UNC13A: variants seen among roughly 807,000 people sequenced by gnomAD.
UNC13A encodes protein unc-13 homolog A.
In UNC13A, 61 loss-of-function variants were observed where a neutral mutation model predicts 219.7. That is an observed-to-expected ratio of 0.28 (90% confidence interval 0.23 to 0.34). The LOEUF is 0.34. Among genes scored for constraint, UNC13A ranks in the 10% least tolerant of loss-of-function variants. UNC13A has a pLI of 1.00. For synonymous variants in UNC13A, 920 were observed against 884.6 expected (o/e 1.04, Z -0.71); for missense variants, 1,476 against 2,270.3 (o/e 0.65, Z 7.11).
At chr19:17,666,868 A>G (rs1021714851) in intron 6 of UNC13A, among the ~76,000 whole-genome samples, 164 bp from the exon 7 acceptor site, 6 of 127,394 alleles carry the variant, frequency 4.7e-5, no homozygotes, top group African/African-American at 1.8e-4. Context: ...GGAGAGAAAG[A>G]CACACACACA....
chr19:17,640,471 G>A, intron 22 of UNC13A, 40 bp downstream of exon 22: 1 of 1,530,432 alleles, frequency 6.5e-7, no homozygotes, highest in Non-Finnish European at 8.8e-7. Flanking sequence ...CATAAAGTTG[G>A]GCTCTCCCTA....
intron 38 of UNC13A, among the ~76,000 whole-genome samples, chr19:17,620,157 C>A (rs879283900): frequency 2.1e-4 from 32 of 152,226 alleles, no homozygotes; most frequent in African/African-American, 7.0e-4. Context: ...AACAGGGATA[C>A]CCATGGTAAC....
intron 19 of UNC13A, among the ~76,000 whole-genome samples, chr19:17,644,158 T>C (rs1371938203): frequency 2.0e-5 from 3 of 152,036 alleles, no homozygotes; most frequent in African/African-American, 7.2e-5. Context: ...TCCCAAACAA[T>C]ACCTCCCTCT....
chr19:17,657,605 C>T (rs1033865097), intron 9 of UNC13A, among the ~76,000 whole-genome samples: 3 of 152,108 alleles, frequency 2.0e-5, no homozygotes, highest in Admixed American at 2.0e-4. Context: ...CCAATCTTAG[C>T]GCCTGAGACC....
chr19:17,605,973 G>T lies in UNC13A; in HGVS notation c.*81C>A. ...CCCCCCGAGCCCCGCCCCTGGGGAG[G>T]TCCCACCAAGGCGCAAGCCCCGTCC... On this transcript the variant is annotated 3_prime_UTR_variant, in exon 44 of 44. Coordinates refer to ENST00000519716, the MANE Select transcript of UNC13A (RefSeq NM_001080421.3). 1 of 1,302,416 alleles carries T rather than the reference G, an allele frequency of 7.7e-7. No homozygotes were observed. Among genetic ancestry groups the T allele is most frequent in the Non-Finnish European group, 9.9e-7 (1 of 1,009,232 alleles). The allele number at this position is 1,302,416 out of a possible 1,614,324, so 80.7% of individuals were successfully genotyped here.
intron 36 of UNC13A, 170 bp downstream of exon 36, chr19:17,623,372 C>G (rs2076749283): frequency 1.8e-6 from 1 of 551,024 alleles, no homozygotes; most frequent in African/African-American, 2.0e-5. Context: ...CAGCCCCGCC[C>G]CCTCCCCATG....
At chr19:17,662,368 C>T (rs1378400687) in intron 8 of UNC13A, among the ~76,000 whole-genome samples, 1 of 152,042 alleles carries the variant, frequency 6.6e-6, no homozygotes, top group Non-Finnish European at 1.5e-5. Flanking sequence ...TCCCCCATCA[C>T]CCTAAGATGG....
At chr19:17,632,368 A>C (rs898796499) in intron 28 of UNC13A, among the ~76,000 whole-genome samples, 2 of 152,070 alleles carry the variant, frequency 1.3e-5, no homozygotes, top group African/African-American at 4.8e-5. Context: ...TAGAGATGGG[A>C]TCTGACTATC....
chr19:17,676,181 A>C (rs2145917816), intron 1 of UNC13A, 140 bp from the exon 2 acceptor site: 1 of 914,186 alleles, frequency 1.1e-6, no homozygotes, highest in South Asian at 1.4e-5. Context: ...CAAAGATAAA[A>C]AGCAAAAGAG....
intron 9 of UNC13A, among the ~76,000 whole-genome samples, chr19:17,657,208 C>G (rs896542505): frequency 6.6e-6 from 1 of 152,146 alleles, no homozygotes; most frequent in Non-Finnish European, 1.5e-5. Context: ...GGCCCATACG[C>G]TCCAAACTCC....
At chr19:17,621,141 C>T (rs1449655371) in intron 37 of UNC13A, among the ~76,000 whole-genome samples, 1 of 152,148 alleles carries the variant, frequency 6.6e-6, no homozygotes, top group Non-Finnish European at 1.5e-5. Flanking sequence ...GCTGAAGAAC[C>T]CATACACTAA....
At chr19:17,644,194 G>C (rs1359651030) in intron 19 of UNC13A, among the ~76,000 whole-genome samples, 1 of 151,958 alleles carries the variant, frequency 6.6e-6, no homozygotes, top group Admixed American at 6.6e-5. Context: ...TTCTTGTGGT[G>C]GGGGGTCGGG....
intron 8 of UNC13A, among the ~76,000 whole-genome samples, chr19:17,660,023 G>A (rs2079524469): frequency 6.6e-6 from 1 of 151,960 alleles, no homozygotes; most frequent in Non-Finnish European, 1.5e-5. Flanking sequence ...AGCCTCCACA[G>A]TAGCTGGGAC....
At chr19:17,646,560 G>C (rs2077029286) in intron 17 of UNC13A, among the ~76,000 whole-genome samples, 1 of 152,058 alleles carries the variant, frequency 6.6e-6, no homozygotes, top group Non-Finnish European at 1.5e-5. Context: ...TGAAGGATGG[G>C]AAGGTGCCCC....
intron 43 of UNC13A, among the ~76,000 whole-genome samples, chr19:17,608,296 A>C (rs1432374167): frequency 7.2e-6 from 1 of 139,780 alleles, no homozygotes; most frequent in Admixed American, 7.8e-5. Flanking sequence ...AATATAATAT[A>C]TACTATATAT....
At chr19:17,681,709 T>A (rs1018577493) in intron 1 of UNC13A, among the ~76,000 whole-genome samples, 1 of 152,158 alleles carries the variant, frequency 6.6e-6, no homozygotes, top group African/African-American at 2.4e-5. Context: ...CCTCCATTAA[T>A]CCTGGGAGGC....
chr19:17,627,904 C>T lies in UNC13A; in HGVS notation c.3790G>A (p.Val1264Ile), dbSNP rs1290660519. 6.2e-7 allele frequency: 1 copy of T among 1,605,242 alleles called. No homozygotes were observed. Among genetic ancestry groups the T allele is most frequent in the African/African-American group, 1.3e-5 (1 of 74,956 alleles). ...ILMNNTQQLR[V>I]QLEKMFEAMG... The stretch of plus-strand genomic sequence containing the variant: ...GCTTCGAACATCTTCTCCAGCTGAA[C>T]TCGTAGCTGTTGAGTGTTATTCATG... The change falls in exon 32 of 44, where the codon GTT becomes ATT. Residue 1264 changes from valine to isoleucine, a missense_variant. Val to Ile is a conservative substitution (Grantham distance 29). Around this residue, in one of 14 missense-constraint regions of UNC13A, gnomAD observed 218 missense variants for 409.4 expected, o/e 0.53. Transcript: ENST00000519716. This position sits in a 1 kb window ranked among gnomAD's most constrained non-coding sequence, Gnocchi z 4.7.
intron 39 of UNC13A, 116 bp downstream of exon 39, chr19:17,618,790 T>C (rs1241887199): frequency 1.0e-6 from 1 of 1,003,868 alleles, no homozygotes; most frequent in East Asian, 2.4e-5. Flanking sequence ...TTCTGTCCTT[T>C]GAGCCTGTAA....
intron 26 of UNC13A, among the ~76,000 whole-genome samples, chr19:17,634,586 C>T (rs572660885): frequency 2.6e-5 from 4 of 152,212 alleles, no homozygotes; most frequent in African/African-American, 4.8e-5. Flanking sequence ...GTGATCCTCC[C>T]GCCTCGGCCT....
Sources: allele counts gnomAD v4.1 joint callset (sites outside exome capture counted in the v4.1 genomes callset), GRCh38; gene constraint gnomAD v4.1.1; regional missense constraint gnomAD v4.1.1; non-coding constraint Gnocchi (gnomAD v3.1); transcripts MANE v1.5; gene names NCBI Gene and HGNC (gene_info 2026-07-23, HGNC 2026-07-21).